The following DNAH11 variants were observed in gnomAD, a reference collection of about 807,000 sequenced individuals.
The protein encoded by DNAH11 is dynein axonemal heavy chain 11, also known as axonemal beta dynein heavy chain 11.
A neutral mutation model predicts 526.0 loss-of-function variants in DNAH11; 442 were observed. The ratio of observed to expected loss-of-function variants is 0.84; its 90% confidence interval spans 0.78 to 0.91. The LOEUF is 0.91. Ranked by LOEUF, DNAH11 falls within the 40% of genes least tolerant of loss-of-function variation. The pLI, the probability that DNAH11 is intolerant of heterozygous loss-of-function variation, is 0.00. For synonymous variants in DNAH11, 2,461 were observed against 1,935.9 expected (o/e 1.27, Z -7.12); for missense variants, 6,989 against 5,448.7 (o/e 1.28, Z -8.90).
intron 63 of DNAH11, among the ~76,000 whole-genome samples, chr7:21,811,287 A>C (rs372424232): frequency 0.031 from 4,639 of 148,306 alleles, 227 homozygotes; most frequent in African/African-American, 0.11. Context: ...ACATGGTGAA[A>C]CCCCCCCCCC....
intron 61 of DNAH11, among the ~76,000 whole-genome samples, chr7:21,794,456 T>C (rs1466491803): frequency 6.6e-6 from 1 of 152,226 alleles, no homozygotes; most frequent in African/African-American, 2.4e-5. Flanking sequence ...CACTGCTTCC[T>C]TTTCAGCACT....
rs1165515399 is a variant in DNAH11, at chr7:21,558,884, A to C, written c.578A>C (p.Glu193Ala). The C allele has an allele frequency of 6.2e-7, 1 of 1,607,478 alleles. No individual in the cohort carries two copies. Among genetic ancestry groups the C allele is most frequent in the Non-Finnish European group, 8.5e-7 (1 of 1,176,728 alleles). The change falls in exon 3 of 82, where the codon GAA (glutamate) becomes GCA (alanine). Residue 193 changes from glutamate (E) to alanine (A), a missense_variant. Glu to Ala is a moderately radical substitution (Grantham distance 107). Transcript: ENST00000409508. The part of the protein sequence containing the change: ...FTSQDMEYHI[E>A]VMKKKMYIFR... ...TCACAAGATATGGAATATCACATAG[A>C]AGTCATGAAAAAGAAGATGTATATT... is the stretch of plus-strand genomic sequence containing the variant.
chr7:21,848,908 G>T (rs1221294423), intron 66 of DNAH11, among the ~76,000 whole-genome samples: 2 of 151,916 alleles, frequency 1.3e-5, no homozygotes, highest in Non-Finnish European at 2.9e-5. Context: ...TTTCTGAGAT[G>T]AGGTTTCACT....
chr7:21,608,371 A>T (rs922190639), intron 20 of DNAH11, among the ~76,000 whole-genome samples: 2 of 152,192 alleles, frequency 1.3e-5, no homozygotes, highest in African/African-American at 2.4e-5. Flanking sequence ...AATTGGGTGA[A>T]GTTTAGATTT....
chr7:21,701,954 G>A (rs1784080189), intron 36 of DNAH11, among the ~76,000 whole-genome samples: 1 of 152,156 alleles, frequency 6.6e-6, no homozygotes, highest in Non-Finnish European at 1.5e-5. Flanking sequence ...TCCCGTGTAA[G>A]CAGTTAGTTC....
At position 21,636,731 on chromosome 7, in the gene DNAH11, C is replaced by T. The variant is rs1024284896; in HGVS notation, c.4725+636C>T. Among the ~76,000 whole-genome samples the T allele has an allele frequency of 2.6e-5, 4 of 151,944 alleles. 1 individual carries two copies. The highest frequency in any genetic ancestry group is 4.4e-5 in the Non-Finnish European group (3 of 67,994). Reference sequence around the variant, plus strand: ...TCCAGCCTGGGTGACAGAATGAGACCCTGTCTCCAAAATAAATTTAAAAAC... The same window carrying T: ...TCCAGCCTGGGTGACAGAATGAGACTCTGTCTCCAAAATAAATTTAAAAAC... On this transcript the variant is annotated intron_variant, in intron 26 of 81. Transcript: ENST00000409508.
intron 25 of DNAH11, among the ~76,000 whole-genome samples, chr7:21,632,156 G>T (rs1430611699): frequency 2.0e-5 from 3 of 152,180 alleles, no homozygotes; most frequent in African/African-American, 7.2e-5. Context: ...GCCATGGCTG[G>T]AGTGGCTGGG....
chr7:21,559,805 C>A lies in DNAH11; in HGVS notation c.882+13C>A. The A allele has an allele frequency of 6.4e-7, 1 of 1,572,206 alleles. No individual in the cohort carries two copies. Among genetic ancestry groups the A allele is most frequent in the Non-Finnish European group, 8.6e-7 (1 of 1,157,260 alleles). ...CATTTATGATCAAGTAAGTAGATAG[C>A]CCTAGAAATTATAAATTAAATTAGC... On this transcript the variant is annotated intron_variant, in intron 4 of 81. Coordinates refer to ENST00000409508, the MANE Select transcript of DNAH11 (RefSeq NM_001277115.2).
intron 20 of DNAH11, among the ~76,000 whole-genome samples, chr7:21,611,179 G>A (rs939276145): frequency 6.6e-6 from 1 of 152,128 alleles, no homozygotes; most frequent in Non-Finnish European, 1.5e-5. Context: ...AGGCAAATTT[G>A]CTGTCTCCTC....
chr7:21,887,679 A>G (rs1202147315), intron 76 of DNAH11, among the ~76,000 whole-genome samples: 1 of 152,208 alleles, frequency 6.6e-6, no homozygotes, highest in East Asian at 1.9e-4. Flanking sequence ...TATAAAGTAT[A>G]CATTTTCATT....
rs553885169 is a variant in DNAH11, at chr7:21,749,129, T to C, written c.8673+387T>C. On this transcript the variant is annotated intron_variant, in intron 52 of 81. Transcript: ENST00000409508. ...CAAGTAAAAATAGATTTCTTCCACA[T>C]TGGATAAGAACAGGAGAAGAAGATG... Among the ~76,000 whole-genome samples, 3 of 152,246 alleles carry C rather than the reference T, an allele frequency of 2.0e-5. No homozygotes were observed. The East Asian group carries it at 5.8e-4, about 29-fold the overall frequency.
chr7:21,567,298 A>G (rs1288559006), intron 6 of DNAH11, among the ~76,000 whole-genome samples: 2 of 152,030 alleles, frequency 1.3e-5, no homozygotes, highest in Non-Finnish European at 2.9e-5. Flanking sequence ...CTATAATTGT[A>G]TTTCCTCTTG....
intron 54 of DNAH11, among the ~76,000 whole-genome samples, chr7:21,762,651 A>G (rs1385751163): frequency 6.6e-6 from 1 of 152,254 alleles, no homozygotes; most frequent in African/African-American, 2.4e-5. Flanking sequence ...AGAGTTTTAC[A>G]TAATGAAAAA....
chr7:21,811,746 T>C (rs1789532601), intron 63 of DNAH11, among the ~76,000 whole-genome samples: 1 of 152,166 alleles, frequency 6.6e-6, no homozygotes, highest in South Asian at 2.1e-4. Context: ...TTTACCACAG[T>C]AAAACTGTAA....
intron 40 of DNAH11, 100 bp downstream of exon 40, chr7:21,707,935 T>G: frequency 7.9e-7 from 1 of 1,269,930 alleles, no homozygotes; most frequent in Non-Finnish European, 1.1e-6. Context: ...ACTTACTGTT[T>G]ATGTGTTGGC....
chr7:21,897,377 G>A (rs1188231526), intron 79 of DNAH11, among the ~76,000 whole-genome samples: 1 of 152,062 alleles, frequency 6.6e-6, no homozygotes, highest in Admixed American at 6.5e-5. Context: ...TCAGTTGGAG[G>A]CCTTTGTAGC....
At chr7:21,728,788 A>G (rs1785251858) in intron 45 of DNAH11, among the ~76,000 whole-genome samples, 1 of 152,250 alleles carries the variant, frequency 6.6e-6, no homozygotes, top group Non-Finnish European at 1.5e-5. Flanking sequence ...TTCTATTCCA[A>G]AAGGGAGAAA....
Position 21,548,366 on chromosome 7 carries a change from G to T in DNAH11, c.495+3217G>T, listed in dbSNP as rs138547272. 4.9e-4 allele frequency among the ~76,000 whole-genome samples: 75 copies of T among 152,234 alleles called. 1 individual carries two copies. Among genetic ancestry groups the T allele is most frequent in the African/African-American group, 1.7e-3 (72 of 41,532 alleles). On this transcript the variant is annotated intron_variant, in intron 2 of 81. Coordinates refer to ENST00000409508, the MANE Select transcript of DNAH11 (RefSeq NM_001277115.2). ...TGATGAATTTTTGTTGAATATAATA[G>T]ATATAGTTAATTTAATCCATGTTTG...
At chr7:21,574,424 G>T (rs1002673129) in intron 8 of DNAH11, among the ~76,000 whole-genome samples, 5 of 152,090 alleles carry the variant, frequency 3.3e-5, no homozygotes, top group African/African-American at 1.2e-4. Flanking sequence ...CCAGAGAGTG[G>T]TCCCGCAGGC....
Sources: allele counts gnomAD v4.1 joint callset (sites outside exome capture counted in the v4.1 genomes callset), GRCh38; gene constraint gnomAD v4.1.1; transcripts MANE v1.5; gene names NCBI Gene and HGNC (gene_info 2026-07-23, HGNC 2026-07-21).